The following RASA3 variants were observed in gnomAD, a reference collection of about 807,000 sequenced individuals.
RASA3 encodes RAS p21 protein activator 3, also known as ras GTPase-activating protein 3.
In RASA3, 73 loss-of-function variants were observed where a neutral mutation model predicts 110.0. The ratio of observed to expected loss-of-function variants is 0.66; its 90% CI spans 0.55 to 0.81. The LOEUF (loss-of-function observed/expected upper bound fraction) is 0.81. Ranked by LOEUF, RASA3 falls within the 30% of genes least tolerant of loss-of-function variation. The pLI is 0.00. For missense variants in RASA3, 976 were observed against 1,113.2 expected (o/e 0.88, Z 1.75); for synonymous variants, 500 against 451.4 (o/e 1.11, Z -1.37).
chr13:114,061,609 G>A (rs1424577781), intron 2 of RASA3, among the ~76,000 whole-genome samples: 4 of 151,338 alleles, frequency 2.6e-5, no homozygotes, highest in South Asian at 2.1e-4. Context: ...CCTGGGAGGC[G>A]GAGGTTGCAG....
At chr13:114,090,052 T>C (rs1308782106) in intron 1 of RASA3, among the ~76,000 whole-genome samples, 1 of 152,230 alleles carries the variant, frequency 6.6e-6, no homozygotes, top group Non-Finnish European at 1.5e-5. Context: ...TAATCACTGA[T>C]GGATGTTTGG....
chr13:114,090,079 A>G (rs1038052754), intron 1 of RASA3, among the ~76,000 whole-genome samples: 5 of 152,156 alleles, frequency 3.3e-5, no homozygotes, highest in Admixed American at 3.3e-4. Context: ...CCCAGCTTTC[A>G]GTTGTTGTGA....
intron 15 of RASA3, among the ~76,000 whole-genome samples, chr13:114,012,121 C>T (rs902442560): frequency 2.6e-5 from 4 of 151,948 alleles, no homozygotes; most frequent in South Asian, 2.1e-4. Flanking sequence ...ACGGATGATA[C>T]GCCGATCATC....
At chr13:114,079,331 C>G (rs751825298) in intron 1 of RASA3, among the ~76,000 whole-genome samples, 7 of 152,156 alleles carry the variant, frequency 4.6e-5, no homozygotes, top group African/African-American at 1.7e-4. Flanking sequence ...CATGGTCCAG[C>G]GAAAGCAACC....
chr13:114,071,081 T>C (rs1018051531), intron 2 of RASA3, among the ~76,000 whole-genome samples: 12 of 152,258 alleles, frequency 7.9e-5, no homozygotes, highest in Admixed American at 3.9e-4. Flanking sequence ...CTGTCCCACA[T>C]GGGTTTCTCT....
chr13:114,002,484 C>T (rs1296458564), intron 18 of RASA3, among the ~76,000 whole-genome samples: 1 of 151,934 alleles, frequency 6.6e-6, no homozygotes, highest in Non-Finnish European at 1.5e-5. Context: ...GGGGCCTACA[C>T]AGACGGGGGT....
At chr13:114,111,682 C>CT (rs2080222855) in intron 1 of RASA3, among the ~76,000 whole-genome samples, 1 of 152,284 alleles carries the variant, frequency 6.6e-6, no homozygotes, top group East Asian at 1.9e-4. Context: ...AGCCCAGCGT[C>CT]TCCATGTCCA....
rs544694028 is a variant in RASA3 at position 114,114,988 on chromosome 13, C to T, written c.55+17447G>A. ...GATGCTGCAGGTTCCCCAGCCCCAC[C>T]CCCAGCTGTGAGATGCTGCAGGTTC... On this transcript the variant is annotated intron_variant, in intron 1 of 23. Coordinates refer to ENST00000334062, the MANE Select transcript of RASA3 (RefSeq NM_007368.4). This position sits in a 1 kb window ranked among gnomAD's most constrained non-coding sequence, Gnocchi z 4.8. Among the ~76,000 whole-genome samples the T allele has an allele frequency of 2.7e-5, 4 of 150,510 alleles. No homozygotes were observed. The highest frequency in any genetic ancestry group is 5.9e-5 in the Non-Finnish European group (4 of 67,466).
intron 1 of RASA3, among the ~76,000 whole-genome samples, chr13:114,095,743 C>T (rs1477828171): frequency 6.6e-6 from 1 of 152,008 alleles, no homozygotes; most frequent in African/African-American, 2.4e-5. Context: ...TGGCTTGGGG[C>T]GACTCATCCA....
rs2053639536 is a variant in RASA3 at position 114,011,655 on chromosome 13, G to A, written c.1513-407C>T. ...GAAGTGCTGGGGGCCGGGCTTGGTG[G>A]CTCACGCCTGTAATCCCAGCACTTC... On this transcript the variant is annotated intron_variant, in intron 15 of 23. Transcript: ENST00000334062. This position sits in a 1 kb window ranked among gnomAD's most constrained non-coding sequence, Gnocchi z 4.8. 6.6e-6 allele frequency among the ~76,000 whole-genome samples: 1 copy of A among 151,986 alleles called. No homozygotes were observed. The highest frequency in any genetic ancestry group is 2.1e-4 in the South Asian group (1 of 4,814).
chr13:114,102,604 A>T (rs1482650170), intron 1 of RASA3, among the ~76,000 whole-genome samples: 2 of 152,152 alleles, frequency 1.3e-5, no homozygotes, highest in Non-Finnish European at 2.9e-5. Flanking sequence ...GCAGGAGAAG[A>T]TGCTGAGGCC....
chr13:114,063,042 C>T (rs1033737293), intron 2 of RASA3, among the ~76,000 whole-genome samples: 12 of 152,186 alleles, frequency 7.9e-5, no homozygotes, highest in African/African-American at 1.7e-4. Context: ...GCGCGAGTGT[C>T]GTTTTAGGGA....
At chr13:114,026,218 C>T (rs1267523195) in intron 7 of RASA3, among the ~76,000 whole-genome samples, 2 of 152,208 alleles carry the variant, frequency 1.3e-5, no homozygotes, top group Non-Finnish European at 2.9e-5. Flanking sequence ...GAGCTCTACC[C>T]CACTGTGTGT....
At chr13:114,083,164 C>A (rs1178608476) in intron 1 of RASA3, among the ~76,000 whole-genome samples, 1 of 152,226 alleles carries the variant, frequency 6.6e-6, no homozygotes, top group African/African-American at 2.4e-5. Flanking sequence ...ATGTCACAAG[C>A]AACTTTGTTG....
At chr13:114,116,506 T>C (rs2139774477) in intron 1 of RASA3, among the ~76,000 whole-genome samples, 1 of 132,802 alleles carries the variant, frequency 7.5e-6, no homozygotes, top group East Asian at 1.9e-4. Context: ...GAGGGAAAAC[T>C]GCACCTTACG....
chr13:113,979,342 A>T lies in RASA3; in HGVS notation c.*5T>A, dbSNP rs775981786. 2 of 1,587,534 alleles carry T rather than the reference A, an allele frequency of 1.3e-6. No homozygotes were observed. The highest frequency in any genetic ancestry group is 1.7e-6 in the Non-Finnish European group (2 of 1,156,098). On this transcript the variant is annotated 3_prime_UTR_variant, in exon 24 of 24. Coordinates refer to ENST00000334062, the MANE Select transcript of RASA3 (RefSeq NM_007368.4). ...GCTGGCGCCACTGGGCGCGTCCCGC[A>T]GACTTTAAATGGAATGAGTGGAGGT...
intron 4 of RASA3, among the ~76,000 whole-genome samples, chr13:114,033,594 G>A (rs1178845141): frequency 4.6e-5 from 4 of 87,380 alleles, no homozygotes; most frequent in East Asian, 3.7e-4. Flanking sequence ...CACGTTCCAC[G>A]GCACCCCCAC....
At position 114,065,270 on chromosome 13, in the gene RASA3, CA is replaced by C. The variant is rs1019143423; in HGVS notation, c.173+8449del. 3.9e-5 allele frequency among the ~76,000 whole-genome samples: 6 copies of C among 152,246 alleles called. No homozygotes were observed. The highest frequency in any genetic ancestry group is 1.2e-4 in the African/African-American group (5 of 41,472). ...CCATCCCGCCTGCGGCTGCTCCCAT[CA>C]CGTGATCATAAGAAAATAAACCTGG... On this transcript the variant is annotated intron_variant, in intron 2 of 23. Coordinates refer to ENST00000334062, the MANE Select transcript of RASA3 (RefSeq NM_007368.4). The surrounding 1 kb of genome is among the most constrained non-coding windows in gnomAD (Gnocchi z 4.1).
Position 114,041,033 on chromosome 13 carries a change from C to T in RASA3, c.339G>A (p.Gln113=). 3 of 1,613,852 alleles carry T rather than the reference C, an allele frequency of 1.9e-6. No individual in the cohort carries two copies. Among genetic ancestry groups the T allele is most frequent in the African/African-American group, 1.3e-5 (1 of 75,076 alleles). Reference sequence around the variant, plus strand: ...CCGAGTCAGCGTCCACGTGCTGCAGCTGGAACCAGGTGTCCCTGTTGTGGT... The same window carrying T: ...CCGAGTCAGCGTCCACGTGCTGCAGTTGGAACCAGGTGTCCCTGTTGTGGT... ...QKYHNRDTWF[Q]LQHVDADSEV... is the part of the protein sequence containing the mutation. Residue 113 remains glutamine, a synonymous_variant, in exon 4 of 24, where the codon CAG becomes CAA. Coordinates refer to ENST00000334062, the MANE Select transcript of RASA3 (RefSeq NM_007368.4).
Sources: allele counts gnomAD v4.1 joint callset (sites outside exome capture counted in the v4.1 genomes callset), GRCh38; gene constraint gnomAD v4.1.1; non-coding constraint Gnocchi (gnomAD v3.1); transcripts MANE v1.5; gene names NCBI Gene and HGNC (gene_info 2026-07-23, HGNC 2026-07-21).